The following RUVBL2 variants were observed in gnomAD, a reference collection of about 807,000 sequenced individuals.
RUVBL2 encodes the protein ruvB-like 2.
In RUVBL2, 9 loss-of-function variants were observed where a neutral mutation model predicts 57.9. That is an observed-to-expected ratio of 0.16 (90% CI 0.09 to 0.27). The LOEUF (loss-of-function observed/expected upper bound fraction) is 0.27, where lower values mean the gene tolerates loss of function less well. Ranked by LOEUF, RUVBL2 falls within the 10% of genes least tolerant of loss-of-function variation. The pLI, the probability that RUVBL2 is intolerant of heterozygous loss-of-function variation, is 1.00. For missense variants in RUVBL2, 456 were observed against 669.6 expected, an observed-to-expected ratio of 0.68 and a Z score of 3.52; for synonymous variants, 278 against 264.6, an observed-to-expected ratio of 1.05 and a Z score of -0.49.
At chr19:48,993,870 G>T (rs748983452), upstream of RUVBL2, 2 of 1,614,050 alleles carry the variant, frequency 1.2e-6, no homozygotes, top group Non-Finnish European at 1.7e-6. Context: ...CGCTCCTCGC[G>T]CGTTTCCGTT....
chr19:49,012,501 CA>C (rs1233461208), intron 11 of RUVBL2, among the ~76,000 whole-genome samples: 3 of 152,204 alleles, frequency 2.0e-5, no homozygotes, highest in Non-Finnish European at 2.9e-5. Context: ...GGGGACTGCC[CA>C]GGGGCACCTC....
chr19:49,009,705 C>A, intron 6 of RUVBL2, 71 bp from the exon 7 acceptor site: 1 of 1,336,658 alleles, frequency 7.5e-7, no homozygotes, highest in Non-Finnish European at 1.1e-6. Context: ...AGAAGCTTAT[C>A]AACACTGGGG....
chr19:48,993,953 C>G (rs771598324), intron 1 of RUVBL2, 30 bp downstream of exon 1: 1 of 1,613,328 alleles, frequency 6.2e-7, no homozygotes, highest in East Asian at 2.2e-5. Context: ...GGGTGAGGAG[C>G]GAGCTAGCAG....
intron 6 of RUVBL2, 41 bp downstream of exon 6, chr19:49,007,409 A>G (rs1205525741): frequency 6.3e-7 from 1 of 1,583,374 alleles, no homozygotes; most frequent in Non-Finnish European, 8.6e-7. Flanking sequence ...GGCCACCTCC[A>G]GCGCCAGGGT....
At chr19:49,003,082 T>C (rs2039215221) in intron 2 of RUVBL2, among the ~76,000 whole-genome samples, 197 bp from the exon 3 acceptor site, 1 of 152,198 alleles carries the variant, frequency 6.6e-6, no homozygotes. Flanking sequence ...TCATTGAGCA[T>C]TTACCACATT....
intron 2 of RUVBL2, among the ~76,000 whole-genome samples, chr19:49,002,217 T>G (rs560939481): frequency 6.6e-6 from 1 of 151,932 alleles, no homozygotes; most frequent in East Asian, 1.9e-4. Context: ...CCAGGCTAAT[T>G]TTTGTATTTT....
intron 1 of RUVBL2, 156 bp downstream of exon 1, chr19:48,994,079 C>T: frequency 1.1e-5 from 2 of 178,714 alleles, no homozygotes; most frequent in Non-Finnish European, 2.0e-5. Context: ...CCACCCAGAT[C>T]TGGGGGAGAA....
At chr19:48,997,862 C>A (rs1326675577) in intron 1 of RUVBL2, among the ~76,000 whole-genome samples, 2 of 152,088 alleles carry the variant, frequency 1.3e-5, no homozygotes, top group Non-Finnish European at 2.9e-5. Flanking sequence ...ACTCACCTCC[C>A]TCCCCCATGT....
chr19:49,000,833 CAG>C (rs2086485836), intron 2 of RUVBL2, among the ~76,000 whole-genome samples: 1 of 151,934 alleles, frequency 6.6e-6, no homozygotes, highest in Non-Finnish European at 1.5e-5. Context: ...GCTTGGGTGA[CAG>C]AGTGACTCCA....
At chr19:48,997,153 ATCCT>A (rs1459283324) in intron 1 of RUVBL2, among the ~76,000 whole-genome samples, 7 of 152,026 alleles carry the variant, frequency 4.6e-5, no homozygotes, top group African/African-American at 1.7e-4. Context: ...GTCACCGCTA[ATCCT>A]TCCATACCTC....
At chr19:48,995,677 T>C (rs2039042553) in intron 1 of RUVBL2, among the ~76,000 whole-genome samples, 1 of 151,490 alleles carries the variant, frequency 6.6e-6, no homozygotes, top group Admixed American at 6.6e-5. Flanking sequence ...AGCGAAACCC[T>C]GTCTCTACAA....
At chr19:48,993,792 T>C, upstream of RUVBL2, 1 of 1,342,414 alleles carries the variant, frequency 7.4e-7, no homozygotes, top group South Asian at 1.2e-5. Context: ...CCCCACAATA[T>C]TTACATATTT....
In RUVBL2 at chr19:49,015,654, A is replaced by C. The variant is rs75542068; in HGVS notation, c.1334A>C (p.Glu445Ala). ...TCCCGCTCCACGCAGTACATGAAGGAGTACCAGGACGCCTTCCTCTTCAAC... is the reference window on the plus strand; with the variant it reads ...TCCCGCTCCACGCAGTACATGAAGGCGTACCAGGACGCCTTCCTCTTCAAC... Reference protein sequence around the residue: ...DESRSTQYMKEYQDAFLFNEL... With the variant: ...DESRSTQYMKAYQDAFLFNEL... Residue 445 changes from glutamate (E) to alanine (A), a missense_variant, in exon 14 of 15, where the codon GAG becomes GCG. By Grantham distance (107) the Glu-to-Ala change is moderately radical (BLOSUM62 -1). Transcript: ENST00000595090. 6.2e-7 allele frequency: 1 copy of C among 1,613,920 alleles called. No individual in the cohort carries two copies. The highest frequency in any genetic ancestry group is 8.5e-7 in the Non-Finnish European group (1 of 1,179,836).
chr19:49,002,680 G>T (rs575538095), intron 2 of RUVBL2, among the ~76,000 whole-genome samples: 1 of 152,248 alleles, frequency 6.6e-6, no homozygotes, highest in African/African-American at 2.4e-5. Flanking sequence ...CGCCTCCCAG[G>T]TTCAAGCAAT....
chr19:49,000,064 G>T (rs12608779), intron 2 of RUVBL2, among the ~76,000 whole-genome samples: 2,226 of 152,312 alleles, frequency 0.015, 19 homozygotes, highest in Middle Eastern at 0.027. Flanking sequence ...GGTTTTAGAA[G>T]CCCAGTGCTG....
intron 6 of RUVBL2, among the ~76,000 whole-genome samples, chr19:49,008,642 C>A (rs370821246): frequency 1.3e-5 from 2 of 151,682 alleles, no homozygotes; most frequent in African/African-American, 4.8e-5. Flanking sequence ...ATCAGGAGTT[C>A]GAAACGAGCC....
chr19:48,995,754 G>C (rs754471365), intron 1 of RUVBL2, among the ~76,000 whole-genome samples: 52 of 151,988 alleles, frequency 3.4e-4, no homozygotes, highest in Non-Finnish European at 6.5e-4. Context: ...GGGGGGTCGA[G>C]GCGGGCAGGT....
chr19:49,008,894 G>A (rs1184090227), intron 6 of RUVBL2, among the ~76,000 whole-genome samples: 3 of 151,762 alleles, frequency 2.0e-5, no homozygotes, highest in Non-Finnish European at 4.4e-5. Context: ...CAGGAGAATC[G>A]CTTGAATCTG....
chr19:49,001,073 A>G (rs2039169135), intron 2 of RUVBL2, among the ~76,000 whole-genome samples: 1 of 150,574 alleles, frequency 6.6e-6, no homozygotes, highest in Admixed American at 6.6e-5. Flanking sequence ...TGAACCAAGG[A>G]GGTTCAGGAT....
Sources: gnomAD v4.1 joint callset for allele counts (sites outside exome capture counted in the v4.1 genomes callset) on GRCh38, gnomAD v4.1.1 for gene constraint, MANE v1.5 for transcripts, NCBI Gene and HGNC (gene_info 2026-07-23, HGNC 2026-07-21) for gene names.